Variants in MAGI2 observed in about 807,000 individuals in gnomAD.
The protein encoded by MAGI2 is membrane-associated guanylate kinase, WW and PDZ domain-containing protein 2.
MAGI2 carries 35 observed loss-of-function variants against 133.3 expected under a neutral mutation model. The observed-to-expected ratio is 0.26, with a 90% CI of 0.20 to 0.35. The LOEUF is 0.35. Ranked by LOEUF, MAGI2 falls within the 10% of genes least tolerant of loss-of-function variation. The pLI is 1.00. For synonymous variants in MAGI2, 729 were observed against 710.6 expected (o/e 1.03, Z -0.41); for missense variants, 1,636 against 1,863.4 (o/e 0.88, Z 2.25).
intron 7 of MAGI2, among the ~76,000 whole-genome samples, chr7:78,367,076 G>A (rs1420686142): frequency 2.3e-5 from 3 of 128,500 alleles, no homozygotes; most frequent in Non-Finnish European, 5.1e-5. Flanking sequence ...GTTGAGAAAT[G>A]TACACAGAAG....
chr7:79,132,509 A>G (rs945698074), intron 1 of MAGI2, among the ~76,000 whole-genome samples: 6 of 152,180 alleles, frequency 3.9e-5, no homozygotes, highest in South Asian at 2.1e-4. Flanking sequence ...TCCATGGTGT[A>G]TACATACTAC....
At chr7:78,559,795 T>G (rs1800223472) in intron 3 of MAGI2, among the ~76,000 whole-genome samples, 1 of 152,216 alleles carries the variant, frequency 6.6e-6, no homozygotes, top group Non-Finnish European at 1.5e-5. Flanking sequence ...TAATTTTTGA[T>G]AAAACTGATA....
intron 1 of MAGI2, among the ~76,000 whole-genome samples, chr7:79,013,440 C>A (rs146436676): frequency 8.5e-5 from 13 of 152,188 alleles, no homozygotes; most frequent in Admixed American, 4.6e-4. Context: ...AATGAGTAAC[C>A]GCAAATGTAC....
At chr7:78,369,852 T>TA (rs953041471) in intron 6 of MAGI2, among the ~76,000 whole-genome samples, 8 of 151,800 alleles carry the variant, frequency 5.3e-5, no homozygotes, top group East Asian at 1.9e-4. Context: ...ACACACACAT[T>TA]AAAAAAAATC....
chr7:78,493,537 T>C (rs1793812512), intron 5 of MAGI2, among the ~76,000 whole-genome samples: 1 of 152,014 alleles, frequency 6.6e-6, no homozygotes, highest in African/African-American at 2.4e-5. Flanking sequence ...TGGGGGAAGG[T>C]GGGTAACTTG....
intron 2 of MAGI2, among the ~76,000 whole-genome samples, chr7:78,941,614 T>C (rs550729520): frequency 3.3e-4 from 50 of 151,876 alleles, no homozygotes; most frequent in Non-Finnish European, 6.6e-4. Flanking sequence ...GGGATTACAG[T>C]CATGAGCCAC....
At chr7:79,205,270 G>T (rs1828944440) in intron 1 of MAGI2, among the ~76,000 whole-genome samples, 1 of 151,912 alleles carries the variant, frequency 6.6e-6, no homozygotes, top group Non-Finnish European at 1.5e-5. Context: ...TCCCAATAGA[G>T]ACAGCACCAG....
intron 6 of MAGI2, among the ~76,000 whole-genome samples, chr7:78,483,759 G>A (rs555395028): frequency 1.3e-5 from 2 of 152,028 alleles, no homozygotes; most frequent in Non-Finnish European, 2.9e-5. Flanking sequence ...AGCACATCAT[G>A]ATTAATACCA....
chr7:78,235,664 C>T lies in MAGI2; in HGVS notation c.2047+20279G>A, dbSNP rs1160889135. ...CTGAGGCATCTCCAGCCCTGCAGAA[C>T]CGTGAGTCAATTAAACCTCTTTCCT... On this transcript the variant is annotated intron_variant, in intron 10 of 21. Coordinates refer to ENST00000354212, the MANE Select transcript of MAGI2 (RefSeq NM_012301.4). Among the ~76,000 whole-genome samples the T allele has an allele frequency of 2.6e-5, 4 of 152,286 alleles. No individual in the cohort carries two copies. In the East Asian group the frequency reaches 5.8e-4, roughly 22 times the overall value.
intron 9 of MAGI2, among the ~76,000 whole-genome samples, chr7:78,307,793 T>C (rs888180409): frequency 2.0e-5 from 3 of 152,204 alleles, no homozygotes; most frequent in Non-Finnish European, 2.9e-5. Context: ...TCTCTACTTC[T>C]ATATATGATT....
At chr7:78,367,022 T>G (rs903889632) in intron 7 of MAGI2, among the ~76,000 whole-genome samples, 3 of 152,150 alleles carry the variant, frequency 2.0e-5, no homozygotes, top group Admixed American at 6.5e-5. Context: ...CTGACTACAT[T>G]CTATATAATA....
At position 78,287,680 on chromosome 7, in the gene MAGI2, G is replaced by T. The variant is rs77816824; in HGVS notation, c.1409-31099C>A. 9.1e-4 allele frequency among the ~76,000 whole-genome samples: 139 copies of T among 152,246 alleles called. 2 individuals are homozygous for T. The East Asian group carries it at 0.024, about 26-fold the overall frequency. On this transcript the variant is annotated intron_variant, in intron 9 of 21. Coordinates refer to ENST00000354212, the MANE Select transcript of MAGI2 (RefSeq NM_012301.4). Reference sequence around the variant, plus strand: ...CCATCATATTTTCTAAGAATATAAGGAAGATGAATGTAAACTACAGCTGTA... The same window carrying T: ...CCATCATATTTTCTAAGAATATAAGTAAGATGAATGTAAACTACAGCTGTA...
In MAGI2 at chr7:78,208,173, C is replaced by T. The variant is rs566834731; in HGVS notation, c.2048-6980G>A. Among the ~76,000 whole-genome samples the T allele has an allele frequency of 1.3e-3, 171 of 129,426 alleles. 1 individual carries two copies. The highest frequency in any genetic ancestry group is 4.7e-3 in the African/African-American group (164 of 34,720). The allele number at this position is 129,426 out of a possible 152,430, so 84.9% of individuals were successfully genotyped here. A position where few individuals can be genotyped will look rare whatever the true frequency, so the allele number is the denominator to read the frequency against. The stretch of plus-strand genomic sequence containing the variant: ...TTTTTTTTAATATGGGGAGCTGAGG[C>T]TTTCTCTGCAATGCTTTAAAAACGA... On this transcript the variant is annotated intron_variant, in intron 10 of 21. Coordinates refer to ENST00000354212, the MANE Select transcript of MAGI2 (RefSeq NM_012301.4).
At chr7:78,877,198 T>A (rs960842009) in intron 2 of MAGI2, among the ~76,000 whole-genome samples, 2 of 152,228 alleles carry the variant, frequency 1.3e-5, no homozygotes, top group Non-Finnish European at 2.9e-5. Flanking sequence ...TTCAGAGGAA[T>A]CTGGTTTCTT....
chr7:78,443,628 C>A (rs1787839274), intron 6 of MAGI2, among the ~76,000 whole-genome samples: 1 of 151,950 alleles, frequency 6.6e-6, no homozygotes, highest in Admixed American at 6.6e-5. Context: ...TTGTATTTTT[C>A]TCTTTTCTAG....
chr7:79,093,060 ATGTT>A (rs1165034489), intron 1 of MAGI2, among the ~76,000 whole-genome samples: 1 of 152,130 alleles, frequency 6.6e-6, no homozygotes. Flanking sequence ...TTTTAGTTAA[ATGTT>A]TGAGGTGCTC....
intron 1 of MAGI2, among the ~76,000 whole-genome samples, chr7:79,295,731 ACT>A (rs1051810650): frequency 6.6e-6 from 1 of 151,450 alleles, no homozygotes; most frequent in African/African-American, 2.4e-5. Context: ...TTTTTTTCAC[ACT>A]CTTGTATCCG....
At chr7:78,764,547 T>C (rs1285430361) in intron 2 of MAGI2, among the ~76,000 whole-genome samples, 2 of 152,190 alleles carry the variant, frequency 1.3e-5, no homozygotes, top group African/African-American at 4.8e-5. Flanking sequence ...TTAATGATTT[T>C]TTCCCCCCAT....
chr7:78,825,400 A>T (rs1279932582), intron 2 of MAGI2, among the ~76,000 whole-genome samples: 1 of 152,194 alleles, frequency 6.6e-6, no homozygotes, highest in East Asian at 1.9e-4. Context: ...ATATGTTACT[A>T]GTTTGACCTC....
Sources: gnomAD v4.1 joint callset for allele counts (sites outside exome capture counted in the v4.1 genomes callset) on GRCh38, gnomAD v4.1.1 for gene constraint, MANE v1.5 for transcripts, NCBI Gene and HGNC (gene_info 2026-07-23, HGNC 2026-07-21) for gene names.